Variants in INO80 observed in about 807,000 individuals in gnomAD.
The protein encoded by INO80 is INO80 complex ATPase subunit.
In INO80, 20 loss-of-function variants were observed where a neutral mutation model predicts 203.4. The ratio of observed to expected loss-of-function variants is 0.10; its 90% CI spans 0.07 to 0.14. The LOEUF (loss-of-function observed/expected upper bound fraction) is 0.14. Ranked by LOEUF, INO80 falls within the 10% of genes least tolerant of loss-of-function variation. INO80 has a pLI of 1.00. For synonymous variants in INO80, 726 were observed against 685.2 expected (o/e 1.06, Z -0.93); for missense variants, 1,419 against 1,914.4 (o/e 0.74, Z 4.83).
chr15:41,115,493 A>G (rs527244176), intron 1 of INO80, among the ~76,000 whole-genome samples: 2 of 152,156 alleles, frequency 1.3e-5, no homozygotes, highest in Non-Finnish European at 2.9e-5. Flanking sequence ...ATTCAACCGT[A>G]TCTCAACTTG....
intron 9 of INO80, among the ~76,000 whole-genome samples, 182 bp from the exon 10 acceptor site, chr15:41,074,747 ATTTCT>A (rs2045377522): frequency 6.6e-6 from 1 of 152,144 alleles, no homozygotes; most frequent in Admixed American, 6.6e-5. Context: ...CAATGAATAA[ATTTCT>A]TTTCCTTTTT....
chr15:41,020,561 C>A (rs980442799), intron 26 of INO80, among the ~76,000 whole-genome samples: 3 of 151,954 alleles, frequency 2.0e-5, no homozygotes, highest in African/African-American at 7.2e-5. Context: ...TGACGACATT[C>A]TCATTCATTC....
In INO80 at chr15:40,985,413, C is replaced by T. The variant is rs2140410871; in HGVS notation, c.3846G>A (p.Gln1282=). The T allele has an allele frequency of 6.2e-7, 1 of 1,613,484 alleles. No homozygotes were observed. The highest frequency in any genetic ancestry group is 1.6e-4 in the Middle Eastern group (1 of 6,062). ...EELEKKLRLR[Q]EEKRQQEETN... ...TTTCCTCCTGTTGCCGTTTCTCTTC[C>T]TGCCGCAGCCTCACTATCAAGAAAA... is the stretch of plus-strand genomic sequence containing the variant. The change falls in exon 32 of 36, where the codon CAG becomes CAA. Residue 1282 remains glutamine, a synonymous_variant. Coordinates refer to ENST00000648947, the MANE Select transcript of INO80 (RefSeq NM_017553.3).
Position 41,038,011 on chromosome 15 carries a change from C to CTTT in INO80, c.2907+6890_2907+6892dup, listed in dbSNP as rs748525965. Among the ~76,000 whole-genome samples, 225 of 89,738 alleles carry CTTT rather than the reference C, an allele frequency of 2.5e-3. 5 individuals are homozygous for CTTT. The highest frequency in any genetic ancestry group is 4.0e-3 in the African/African-American group (92 of 22,722). 58.9% of individuals were successfully genotyped at this position (89,738 alleles called of 152,430 possible). A position where few individuals can be genotyped will look rare whatever the true frequency, so the allele number is the denominator to read the frequency against. On this transcript the variant is annotated intron_variant, in intron 24 of 35. Coordinates refer to ENST00000648947, the MANE Select transcript of INO80 (RefSeq NM_017553.3). ...GCCTCTCTTGCCCCTCTTCCCTTTT[C>CTTT]TTTTTTTTTTTTTTTTTTTTTGAGA... is the stretch of plus-strand genomic sequence containing the variant.
intron 1 of INO80, 100 bp downstream of exon 1, chr15:41,115,873 G>A (rs1748413941): frequency 2.7e-6 from 1 of 374,396 alleles, no homozygotes; most frequent in East Asian, 3.9e-5. Flanking sequence ...GGGGGCGACG[G>A]CCCCTTTAAG....
At chr15:40,998,248 C>T (rs1353830810) in intron 28 of INO80, among the ~76,000 whole-genome samples, 1 of 151,904 alleles carries the variant, frequency 6.6e-6, no homozygotes, top group Admixed American at 6.6e-5. Flanking sequence ...GTCTTGAACT[C>T]CTGACCTCGT....
At chr15:40,998,662 T>G (rs530104347) in intron 28 of INO80, among the ~76,000 whole-genome samples, 35 of 152,132 alleles carry the variant, frequency 2.3e-4, no homozygotes, top group Middle Eastern at 3.4e-3. Flanking sequence ...GTTTTGTTTT[T>G]TTTTTTTTGA....
chr15:40,983,777 A>G lies in INO80; in HGVS notation c.4222T>C (p.Ser1408Pro), dbSNP rs1178880119. The G allele has an allele frequency of 6.2e-7, 1 of 1,612,264 alleles. No homozygotes were observed. The highest frequency in any genetic ancestry group is 1.3e-5 in the African/African-American group (1 of 74,864). ...NSPASITGSV[S>P]DTVNGISIQE... ...CAGCAATTACCATTCACGGTATCTG[A>G]GACGGAGCCTGTTATGGATGCGGGA... The change falls in exon 34 of 36, where the codon TCA becomes CCA. Residue 1408 changes from serine (S) to proline (P), a missense_variant. Coordinates refer to ENST00000648947, the MANE Select transcript of INO80 (RefSeq NM_017553.3).
At chr15:41,098,788 AAACCT>A (rs2045762292) in intron 1 of INO80, among the ~76,000 whole-genome samples, 1 of 152,198 alleles carries the variant, frequency 6.6e-6, no homozygotes, top group Non-Finnish European at 1.5e-5. Context: ...TGTACACATA[AAACCT>A]ACAACTCTAT....
At position 40,983,827 on chromosome 15, in the gene INO80, G is replaced by A; in HGVS notation, c.4172C>T (p.Ala1391Val). 1 of 1,612,914 alleles carries A rather than the reference G, an allele frequency of 6.2e-7. No individual in the cohort carries two copies. Among genetic ancestry groups the A allele is most frequent in the Non-Finnish European group, 8.5e-7 (1 of 1,179,970 alleles). Residue 1391 changes from alanine to valine, a missense_variant, in exon 34 of 36, where the codon GCC becomes GTC. By Grantham distance (64) the Ala-to-Val change is moderately conservative (BLOSUM62 0). Coordinates refer to ENST00000648947, the MANE Select transcript of INO80 (RefSeq NM_017553.3). Reference protein sequence around the residue: ...LVIVDDPASSAPQSRATNSPA... With the variant: ...LVIVDDPASSVPQSRATNSPA... ...AGAGTTGGTAGCTCGAGACTGAGGGGCTGAGGAGGCTGGGTCATCCACAAT... is the reference window on the plus strand; with the variant it reads ...AGAGTTGGTAGCTCGAGACTGAGGGACTGAGGAGGCTGGGTCATCCACAAT...
intron 27 of INO80, among the ~76,000 whole-genome samples, chr15:41,007,190 T>C (rs1442418016): frequency 5.1e-4 from 74 of 146,478 alleles, no homozygotes; most frequent in African/African-American, 1.7e-3. Flanking sequence ...TTCTTTTTTT[T>C]TTTTTTTTTT....
At chr15:41,091,084 C>A (rs1216090020) in intron 5 of INO80, among the ~76,000 whole-genome samples, 1 of 152,052 alleles carries the variant, frequency 6.6e-6, no homozygotes, top group Non-Finnish European at 1.5e-5. Context: ...ACCACCACGC[C>A]CAGCTAATTT....
At chr15:41,029,691 A>G (rs2044430962) in intron 24 of INO80, among the ~76,000 whole-genome samples, 1 of 152,200 alleles carries the variant, frequency 6.6e-6, no homozygotes, top group Admixed American at 6.5e-5. Context: ...ATCTCTCTAC[A>G]TGTTTATGCC....
chr15:41,012,770 C>T (rs2044151505), intron 27 of INO80, among the ~76,000 whole-genome samples: 1 of 152,040 alleles, frequency 6.6e-6, no homozygotes, highest in African/African-American at 2.4e-5. Context: ...AAGCACTCTC[C>T]TTTTAAAAAT....
At chr15:41,115,933 AC>A in intron 1 of INO80, 39 bp downstream of exon 1, 1 of 351,502 alleles carries the variant, frequency 2.8e-6, no homozygotes, top group Non-Finnish European at 5.0e-6. Context: ...GACCTACACA[AC>A]CCCCACTCCG....
At chr15:40,993,234 C>T (rs1480768623) in intron 29 of INO80, among the ~76,000 whole-genome samples, 1 of 152,124 alleles carries the variant, frequency 6.6e-6, no homozygotes, top group Admixed American at 6.5e-5. Context: ...ACTATGTGAA[C>T]CTTGGAAGCA....
intron 1 of INO80, among the ~76,000 whole-genome samples, chr15:41,115,291 G>A (rs1021591327): frequency 2.0e-5 from 3 of 152,166 alleles, no homozygotes; most frequent in East Asian, 1.9e-4. Flanking sequence ...AACTGTAGGG[G>A]GCTTCTAGCC....
intron 24 of INO80, among the ~76,000 whole-genome samples, chr15:41,032,704 C>T (rs1404185718): frequency 6.6e-6 from 1 of 152,042 alleles, no homozygotes; most frequent in Non-Finnish European, 1.5e-5. Context: ...GAAATGCCCC[C>T]GATTTTTAGG....
intron 7 of INO80, among the ~76,000 whole-genome samples, chr15:41,083,038 T>C (rs1185420420): frequency 6.6e-6 from 1 of 151,828 alleles, no homozygotes; most frequent in Non-Finnish European, 1.5e-5. Flanking sequence ...ATCCCGGCAC[T>C]ATGGGAGGCC....
Sources: gnomAD v4.1 joint callset for allele counts (sites outside exome capture counted in the v4.1 genomes callset) on GRCh38, gnomAD v4.1.1 for gene constraint, MANE v1.5 for transcripts, NCBI Gene and HGNC (gene_info 2026-07-23, HGNC 2026-07-21) for gene names.